The following AGXT2 variants were observed in gnomAD, a reference collection of about 807,000 sequenced individuals.
The protein encoded by AGXT2 is alanine--glyoxylate aminotransferase 2.
In AGXT2, 61 loss-of-function variants were observed where a neutral mutation model predicts 62.5. The ratio of observed to expected loss-of-function variants is 0.98; its 90% CI spans 0.79 to 1.21. The LOEUF (loss-of-function observed/expected upper bound fraction) is 1.21, where lower values mean the gene tolerates loss of function less well. Ranked by LOEUF, AGXT2 falls within the 50% of genes most tolerant of loss-of-function variation. AGXT2 has a pLI of 0.00. For missense variants in AGXT2, 666 were observed against 641.5 expected (o/e 1.04, Z -0.41); for synonymous variants, 243 against 218.7 (o/e 1.11, Z -0.98).
chr5:35,030,513 A>G (rs1325325135), intron 7 of AGXT2, among the ~76,000 whole-genome samples: 1 of 152,160 alleles, frequency 6.6e-6, no homozygotes, highest in Admixed American at 6.5e-5. Context: ...TGTCTCAAAA[A>G]AAAAAATACA....
chr5:35,025,129 AC>A (rs1282377395), intron 9 of AGXT2, among the ~76,000 whole-genome samples: 1 of 152,210 alleles, frequency 6.6e-6, no homozygotes, highest in African/African-American at 2.4e-5. Flanking sequence ...TAATGCCAGT[AC>A]TTTGGGAGGC....
chr5:35,029,259 C>T lies in AGXT2; in HGVS notation c.770-2749G>A, dbSNP rs143534650. Among the ~76,000 whole-genome samples the T allele has an allele frequency of 6.6e-5, 10 of 152,214 alleles. No homozygotes were observed. The East Asian group carries it at 1.9e-3, about 29-fold the overall frequency. ...GGAAGAGAAAACAGCTTCAGATGAC[C>T]CTAAAAGATGGATCAGACCTATGTT... is the stretch of plus-strand genomic sequence containing the variant. On this transcript the variant is annotated intron_variant, in intron 7 of 13. Transcript: ENST00000231420.
intron 13 of AGXT2, among the ~76,000 whole-genome samples, chr5:34,999,698 C>T (rs968622332): frequency 1.1e-4 from 17 of 152,210 alleles, no homozygotes; most frequent in African/African-American, 4.1e-4. Context: ...AACTCCTGCG[C>T]CTCTCCCTCT....
At position 35,047,840 on chromosome 5, in the gene AGXT2, G is replaced by A; in HGVS notation, c.53C>T (p.Ala18Val). Residue 18 changes from alanine to valine, a missense_variant, in exon 1 of 14, where the codon GCT becomes GTT. By Grantham distance (64) the Ala-to-Val change is moderately conservative. Transcript: ENST00000231420. ...LLRPLCLVTS[A>V]PRILEMHPFL... ...AGGATGCATCTCAAGGATCCTGGGA[G>A]CGGAAGTGACCAGGCACAAGGGTCT... 6.2e-7 allele frequency: 1 copy of A among 1,614,098 alleles called. No homozygotes were observed. Among genetic ancestry groups the A allele is most frequent in the Non-Finnish European group, 8.5e-7 (1 of 1,180,010 alleles).
chr5:35,043,420 T>C (rs1411984908), intron 1 of AGXT2, among the ~76,000 whole-genome samples: 1 of 152,222 alleles, frequency 6.6e-6, no homozygotes, highest in Non-Finnish European at 1.5e-5. Flanking sequence ...CCAATGCTCA[T>C]ATAATGTGTG....
intron 2 of AGXT2, 45 bp from the exon 3 acceptor site, chr5:35,039,553 A>G (rs761130641): frequency 1.9e-6 from 3 of 1,587,652 alleles, no homozygotes; most frequent in Non-Finnish European, 2.6e-6. Flanking sequence ...TTACAAGATC[A>G]ATAGCAGTCA....
chr5:35,009,015 C>T (rs1404373730), intron 12 of AGXT2, among the ~76,000 whole-genome samples: 2 of 152,130 alleles, frequency 1.3e-5, no homozygotes, highest in Non-Finnish European at 2.9e-5. Context: ...TCAATGAGTC[C>T]TGTTGTTAGA....
chr5:35,012,373 C>G (rs1214785432), intron 11 of AGXT2: 1 of 154,036 alleles, frequency 6.5e-6, no homozygotes, highest in Non-Finnish European at 1.4e-5. Context: ...CAAAAAAAAC[C>G]ATCATTTACT....
intron 7 of AGXT2, among the ~76,000 whole-genome samples, chr5:35,030,922 T>C (rs1767539802): frequency 6.6e-6 from 1 of 152,202 alleles, no homozygotes; most frequent in Non-Finnish European, 1.5e-5. Context: ...AAGTTCTCCG[T>C]GCCTCATCTC....
At chr5:35,035,341 G>C (rs371668188) in intron 4 of AGXT2, 25 bp from the exon 5 acceptor site, 16 of 1,590,248 alleles carry the variant, frequency 1.0e-5, no homozygotes, top group Non-Finnish European at 1.4e-5. Flanking sequence ...AAGACACGTG[G>C]CCTCATAATT....
intron 1 of AGXT2, among the ~76,000 whole-genome samples, chr5:35,042,235 A>T (rs1206172678): frequency 1.3e-5 from 2 of 152,236 alleles, no homozygotes. Context: ...AATTTTAAAC[A>T]GTCAAGGCAG....
chr5:34,998,970 A>G (rs553372163), intron 13 of AGXT2, 144 bp from the exon 14 acceptor site: 62 of 708,220 alleles, frequency 8.8e-5, no homozygotes, highest in Non-Finnish European at 1.5e-4. Context: ...TCCATCCCCA[A>G]TGCTGAATCC....
At chr5:35,013,896 T>A in intron 10 of AGXT2, 91 bp downstream of exon 10, 1 of 1,570,296 alleles carries the variant, frequency 6.4e-7, no homozygotes, top group South Asian at 1.1e-5. Context: ...TCCATGATTG[T>A]CTCCAATCTA....
At chr5:35,026,942 G>A (rs773940645) in intron 7 of AGXT2, 76 of 984,814 alleles carry the variant, frequency 7.7e-5, no homozygotes, top group African/African-American at 4.4e-4. Context: ...CTGATGTACC[G>A]TTTTAAAGCT....
In AGXT2 at chr5:35,039,107, A is replaced by G. The variant is rs113301968; in HGVS notation, c.362+217T>C. On this transcript the variant is annotated intron_variant, in intron 3 of 13. Transcript: ENST00000231420. ...AGTCACATGGTACATGCCACACTAC[A>G]TGTGCCATGAGAATAACAAAATCTT... 2.0e-5 allele frequency among the ~76,000 whole-genome samples: 3 copies of G among 152,244 alleles called. 1 individual carries two copies. Among genetic ancestry groups the G allele is most frequent in the African/African-American group, 7.2e-5 (3 of 41,554 alleles).
At chr5:35,000,544 C>A (rs920089363) in intron 13 of AGXT2, among the ~76,000 whole-genome samples, 1 of 152,142 alleles carries the variant, frequency 6.6e-6, no homozygotes, top group African/African-American at 2.4e-5. Flanking sequence ...CCACACTCAG[C>A]TAATTTTTTA....
At chr5:35,026,347 G>T in intron 8 of AGXT2, 63 bp downstream of exon 8, 1 of 1,303,098 alleles carries the variant, frequency 7.7e-7, no homozygotes, top group Non-Finnish European at 1.1e-6. Context: ...TAGAATATAT[G>T]AGTTAAAACT....
At chr5:35,020,596 G>A (rs984375869) in intron 9 of AGXT2, among the ~76,000 whole-genome samples, 5 of 152,280 alleles carry the variant, frequency 3.3e-5, no homozygotes, top group African/African-American at 1.2e-4. Context: ...AGGTATCTAT[G>A]ACAAACCCAC....
chr5:35,012,889 G>A (rs1187082149), intron 11 of AGXT2, 65 bp downstream of exon 11: 1 of 1,346,476 alleles, frequency 7.4e-7, no homozygotes, highest in South Asian at 1.3e-5. Flanking sequence ...TTCTGCTAAT[G>A]CATGTGTGGT....
Sources: gnomAD v4.1 joint callset for allele counts (sites outside exome capture counted in the v4.1 genomes callset) on GRCh38, gnomAD v4.1.1 for gene constraint, MANE v1.5 for transcripts, NCBI Gene and HGNC (gene_info 2026-07-23, HGNC 2026-07-21) for gene names.